The following STN1 variants were observed in gnomAD, a reference collection of about 807,000 sequenced individuals.
STN1 encodes the protein STN1 subunit of CST complex, also known as CST complex subunit STN1.
Under a neutral mutation model 45.5 loss-of-function variants are expected in STN1, and 29 were observed. The ratio of observed to expected loss-of-function variants is 0.64; its 90% confidence interval spans 0.47 to 0.87. The LOEUF is 0.87. STN1 is among the 40% of genes least tolerant of loss of function. The pLI, the probability that STN1 is intolerant of heterozygous loss-of-function variation, is 0.00. For synonymous variants in STN1, 148 were observed against 159.0 expected (o/e 0.93, Z 0.52); for missense variants, 376 against 441.4 (o/e 0.85, Z 1.33).
Position 103,882,405 on chromosome 10 carries a change from C to T in STN1, c.*279G>A, listed in dbSNP as rs1300788531. On this transcript the variant is annotated 3_prime_UTR_variant, in exon 10 of 10. Coordinates refer to ENST00000224950, the MANE Select transcript of STN1 (RefSeq NM_024928.5). The stretch of plus-strand genomic sequence containing the variant: ...CCAACACTGTTTCCTCCCCATTCTG[C>T]TCTGCGAACAACGCACAGTCCAGCC... 6 of 346,730 alleles carry T rather than the reference C, an allele frequency of 1.7e-5. No homozygotes were observed. The highest frequency in any genetic ancestry group is 3.2e-5 in the Non-Finnish European group (6 of 188,546). The allele number at this position is 346,730 out of a possible 1,614,324, so 21.5% of individuals were successfully genotyped here.
chr10:103,881,540 C>T lies in STN1; in HGVS notation c.*1144G>A, dbSNP rs889276682. On this transcript the variant is annotated 3_prime_UTR_variant, in exon 10 of 10. Transcript: ENST00000224950. ...CTACTGGTTCTAGCTCTCAGCCTGA[C>T]GTATCGAGCTGCAGCGGACTTCTGC... 4.6e-5 allele frequency among the ~76,000 whole-genome samples: 7 copies of T among 152,316 alleles called. No individual in the cohort carries two copies. Among genetic ancestry groups the T allele is most frequent in the African/African-American group, 7.2e-5 (3 of 41,576 alleles).
Position 103,881,918 on chromosome 10 carries a change from T to A in STN1, c.*766A>T, listed in dbSNP as rs1843071624. Among the ~76,000 whole-genome samples, 1 of 152,320 alleles carries A rather than the reference T, an allele frequency of 6.6e-6. No homozygotes were observed. The highest frequency in any genetic ancestry group is 2.1e-4 in the South Asian group (1 of 4,826). The stretch of plus-strand genomic sequence containing the variant: ...CTCAGCGGCAACCCTGAAAATAACA[T>A]CTACCACCTGCCAGGCAATTGGCTG... On this transcript the variant is annotated 3_prime_UTR_variant, in exon 10 of 10. Coordinates refer to ENST00000224950, the MANE Select transcript of STN1 (RefSeq NM_024928.5).
intron 7 of STN1, among the ~76,000 whole-genome samples, chr10:103,895,227 G>C (rs985182875): frequency 2.6e-5 from 4 of 152,216 alleles, no homozygotes; most frequent in African/African-American, 9.7e-5. Flanking sequence ...GCACCAGGCA[G>C]ACACAAGTTT....
At chr10:103,909,486 ATGTG>A (rs747279816) in intron 3 of STN1, among the ~76,000 whole-genome samples, 4,053 of 52,514 alleles carry the variant, frequency 0.077, 102 homozygotes, top group East Asian at 0.15. Context: ...ATGTATATAT[ATGTG>A]TGTGTGTATA....
At chr10:103,908,923 AG>A (rs1443372394) in intron 3 of STN1, among the ~76,000 whole-genome samples, 2 of 151,866 alleles carry the variant, frequency 1.3e-5, no homozygotes, top group Non-Finnish European at 2.9e-5. Flanking sequence ...GATGGAAGAA[AG>A]GAGGAGGAGA....
At chr10:103,910,925 C>T (rs907384979) in intron 2 of STN1, among the ~76,000 whole-genome samples, 2 of 151,816 alleles carry the variant, frequency 1.3e-5, no homozygotes, top group African/African-American at 4.8e-5. Context: ...GGCCTGAAAA[C>T]AGTCATTATA....
At chr10:103,895,327 A>C (rs1843163984) in intron 7 of STN1, among the ~76,000 whole-genome samples, 1 of 152,220 alleles carries the variant, frequency 6.6e-6, no homozygotes, top group South Asian at 2.1e-4. Context: ...AGAGTCCTTA[A>C]GTCTCTCTCT....
intron 6 of STN1, 107 bp from the exon 7 acceptor site, chr10:103,897,826 G>A (rs118047600): frequency 0.028 from 31,814 of 1,125,140 alleles, 588 homozygotes; most frequent in South Asian, 0.046. Flanking sequence ...CTATATTGGA[G>A]TTTGTTTTTC....
rs9919381 is a variant in STN1, at chr10:103,914,355, T to C, written c.133+3107A>G. On this transcript the variant is annotated intron_variant, in intron 2 of 9. Coordinates refer to ENST00000224950, the MANE Select transcript of STN1 (RefSeq NM_024928.5). Reference sequence around the variant, plus strand: ...AAATACATATATATATATATATATATATATATATATATATATATATTTTTT... The same window carrying C: ...AAATACATATATATATATATATATACATATATATATATATATATATTTTTT... Among the ~76,000 whole-genome samples the C allele has an allele frequency of 2.0e-3, 66 of 33,160 alleles. 1 individual carries two copies. The highest frequency in any genetic ancestry group is 4.6e-3 in the African/African-American group (59 of 12,794). 21.8% of individuals were successfully genotyped at this position (33,160 alleles called of 152,430 possible). A position where few individuals can be genotyped will look rare whatever the true frequency, so the allele number is the denominator to read the frequency against.
Position 103,902,997 on chromosome 10 carries a change from C to T in STN1, c.295+2094G>A, listed in dbSNP as rs142227901. On this transcript the variant is annotated intron_variant, in intron 4 of 9. Transcript: ENST00000224950. ...CCCATTTTGTTGATCTAAAAAATTA[C>T]GAAGTATAAGAATTATATATTCCTG... 3.4e-3 allele frequency among the ~76,000 whole-genome samples: 524 copies of T among 152,192 alleles called. 5 individuals are homozygous for T. Among genetic ancestry groups the T allele is most frequent in the Middle Eastern group, 0.031 (9 of 292 alleles).
intron 6 of STN1, among the ~76,000 whole-genome samples, chr10:103,898,625 ACTC>A (rs1261528546): frequency 6.6e-6 from 1 of 151,644 alleles, no homozygotes; most frequent in Non-Finnish European, 1.5e-5. Flanking sequence ...TCCTGCCTCC[ACTC>A]CTCCTTCAGT....
At position 103,882,470 on chromosome 10, in the gene STN1, T is replaced by G; in HGVS notation, c.*214A>C. 1 of 492,514 alleles carries G rather than the reference T, an allele frequency of 2.0e-6. No individual in the cohort carries two copies. Among genetic ancestry groups the G allele is most frequent in the Non-Finnish European group, 3.6e-6 (1 of 281,684 alleles). 30.5% of individuals were successfully genotyped at this position (492,514 alleles called of 1,614,324 possible). On this transcript the variant is annotated 3_prime_UTR_variant, in exon 10 of 10. Transcript: ENST00000224950. ...GAGGGTTTTCTTGTTGTGTCATGGCTGAGATCAAAGTCATTGTACACCAAG... is the reference window on the plus strand; with the variant it reads ...GAGGGTTTTCTTGTTGTGTCATGGCGGAGATCAAAGTCATTGTACACCAAG...
intron 5 of STN1, 112 bp downstream of exon 5, chr10:103,899,950 A>G (rs1843196046): frequency 1.2e-6 from 1 of 825,538 alleles, no homozygotes; most frequent in African/African-American, 1.7e-5. Context: ...CTCATTAAAT[A>G]GAGTTATACC....
intron 9 of STN1, among the ~76,000 whole-genome samples, chr10:103,885,539 C>T (rs183778415): frequency 1.2e-4 from 19 of 152,240 alleles, no homozygotes; most frequent in Admixed American, 2.6e-4. Flanking sequence ...CCAGTCACTT[C>T]GGTAATGTGA....
chr10:103,906,834 A>C (rs866021161), intron 3 of STN1, among the ~76,000 whole-genome samples: 3 of 152,388 alleles, frequency 2.0e-5, no homozygotes, highest in Middle Eastern at 6.8e-3. Flanking sequence ...AAGTATACAT[A>C]ATTTATCAAC....
At chr10:103,904,450 TAAAAAA>T (rs35731846) in intron 4 of STN1, among the ~76,000 whole-genome samples, 3 of 142,422 alleles carry the variant, frequency 2.1e-5, no homozygotes, top group Admixed American at 2.1e-4. Context: ...AACCTAACTT[TAAAAAA>T]AAAAAAAAGT....
At chr10:103,916,988 C>A (rs1034270101) in intron 2 of STN1, among the ~76,000 whole-genome samples, 1 of 152,020 alleles carries the variant, frequency 6.6e-6, no homozygotes, top group Non-Finnish European at 1.5e-5. Flanking sequence ...AGAAAACAAA[C>A]CCCCTTTACA....
rs994126200 is a variant in STN1, at chr10:103,881,855, C to T, written c.*829G>A. On this transcript the variant is annotated 3_prime_UTR_variant, in exon 10 of 10. Transcript: ENST00000224950. ...CTCCATCACCTGTCTGGGCACATAC[C>T]GAGTCTTTGTCTGGATGGTGTCAGC... 6.6e-6 allele frequency among the ~76,000 whole-genome samples: 1 copy of T among 152,148 alleles called. No homozygotes were observed. Among genetic ancestry groups the T allele is most frequent in the South Asian group, 2.1e-4 (1 of 4,822 alleles).
At chr10:103,916,634 G>C (rs1344956836) in intron 2 of STN1, among the ~76,000 whole-genome samples, 1 of 152,138 alleles carries the variant, frequency 6.6e-6, no homozygotes. Context: ...ACTCAAAATA[G>C]CAAAGAAAGT....
Sources: gnomAD v4.1 joint callset for allele counts (sites outside exome capture counted in the v4.1 genomes callset) on GRCh38, gnomAD v4.1.1 for gene constraint, MANE v1.5 for transcripts, NCBI Gene and HGNC (gene_info 2026-07-23, HGNC 2026-07-21) for gene names.